Variants in RASA3 observed in about 807,000 individuals in gnomAD.
RASA3 encodes RAS p21 protein activator 3.
A neutral mutation model predicts 110.0 loss-of-function variants in RASA3; 73 were observed. That is an observed-to-expected ratio of 0.66 (90% CI 0.55 to 0.81). The LOEUF (loss-of-function observed/expected upper bound fraction) is 0.81, where lower values mean the gene tolerates loss of function less well. Ranked by LOEUF, RASA3 falls within the 30% of genes least tolerant of loss-of-function variation. The probability of loss-of-function intolerance (pLI) is 0.00; values close to 1 mark genes in which losing one functional copy is unlikely to be tolerated. For missense variants in RASA3, 976 were observed against 1,113.2 expected, an observed-to-expected ratio of 0.88 and a Z score of 1.75; for synonymous variants, 500 against 451.4, an observed-to-expected ratio of 1.11 and a Z score of -1.37.
chr13:114,132,300 T>C, intron 1 of RASA3, 135 bp downstream of exon 1: 1 of 955,972 alleles, frequency 1.0e-6, no homozygotes, highest in Non-Finnish European at 1.4e-6. Context: ...GACCAGCCGT[T>C]CTCCGGGGAG....
intron 9 of RASA3, among the ~76,000 whole-genome samples, chr13:114,020,066 C>G (rs1594335157): frequency 2.2e-5 from 1 of 46,436 alleles, no homozygotes; most frequent in African/African-American, 2.0e-4. Flanking sequence ...GGCATTAGCC[C>G]CCCTCAGGTG....
chr13:114,117,955 G>A (rs1449818359), intron 1 of RASA3, among the ~76,000 whole-genome samples: 1 of 151,968 alleles, frequency 6.6e-6, no homozygotes. Flanking sequence ...CACGTGTGAG[G>A]GGTGCATGCA....
rs575958394 is a variant in RASA3, at chr13:114,027,864, C to A, written c.513G>T (p.Thr171=). ...CAACTTGCCTGAAGGGTCCTGCCAG[C>A]GTCACGGTGGCGTAGGGGTCACATT... ...NGQCDPYATV[T]LAGPFRSEAK... Residue 171 remains threonine (T), a synonymous_variant, in exon 6 of 24, where the codon ACG becomes ACT. Coordinates refer to ENST00000334062, the MANE Select transcript of RASA3 (RefSeq NM_007368.4). The A allele has an allele frequency of 3.7e-6, 6 of 1,613,816 alleles. No homozygotes were observed. The African/African-American group carries it at 6.7e-5, about 18-fold the overall frequency.
At position 114,118,132 on chromosome 13, in the gene RASA3, G is replaced by T. The variant is rs138092444; in HGVS notation, c.55+14303C>A. On this transcript the variant is annotated intron_variant, in intron 1 of 23. Transcript: ENST00000334062. ...TTCTCATTATGAGTCTCATAAATACGTGGCCACGTTCATGGGTTTGTCTTA... is the reference window on the plus strand; with the variant it reads ...TTCTCATTATGAGTCTCATAAATACTTGGCCACGTTCATGGGTTTGTCTTA... Among the ~76,000 whole-genome samples, 232 of 152,160 alleles carry T rather than the reference G, an allele frequency of 1.5e-3. 2 individuals are homozygous for T. Among genetic ancestry groups the T allele is most frequent in the African/African-American group, 5.2e-3 (217 of 41,484 alleles).
Position 114,131,039 on chromosome 13 carries a change from T to C in RASA3, c.55+1396A>G, listed in dbSNP as rs186594206. Reference sequence around the variant, plus strand: ...AAAGTGACAGCGGATTTAAACCACATTAACAAAAGAAATCCCTCCTCTCTG... The same window carrying C: ...AAAGTGACAGCGGATTTAAACCACACTAACAAAAGAAATCCCTCCTCTCTG... On this transcript the variant is annotated intron_variant, in intron 1 of 23. Coordinates refer to ENST00000334062, the MANE Select transcript of RASA3 (RefSeq NM_007368.4). Among the ~76,000 whole-genome samples the C allele has an allele frequency of 7.2e-5, 11 of 152,332 alleles. No homozygotes were observed. In the East Asian group the frequency reaches 2.1e-3, roughly 29 times the overall value.
rs1428096503 is a variant in RASA3 at position 114,000,803 on chromosome 13, G to A, written c.1849+23C>T. ...GCCCAGCACGCTCCAGCAAGAGCCAGGGAAAGCGACCTTGCTCCTTACCTT... is the reference window on the plus strand; with the variant it reads ...GCCCAGCACGCTCCAGCAAGAGCCAAGGAAAGCGACCTTGCTCCTTACCTT... On this transcript the variant is annotated intron_variant, in intron 19 of 23. Transcript: ENST00000334062. The A allele has an allele frequency of 5.2e-6, 8 of 1,549,152 alleles. No homozygotes were observed. In the East Asian group the frequency reaches 9.0e-5, roughly 17 times the overall value.
At chr13:114,060,416 T>A (rs1216542271) in intron 2 of RASA3, among the ~76,000 whole-genome samples, 1 of 152,174 alleles carries the variant, frequency 6.6e-6, no homozygotes, top group Non-Finnish European at 1.5e-5. Flanking sequence ...CCTGGCACAG[T>A]GGACCAGGAA....
intron 20 of RASA3, among the ~76,000 whole-genome samples, chr13:113,996,978 G>A (rs2053271358): frequency 6.6e-6 from 1 of 152,258 alleles, no homozygotes; most frequent in Admixed American, 6.5e-5. Flanking sequence ...GGTGAGAACT[G>A]GTGCAGCTGG....
At chr13:114,076,650 G>A (rs1390194703) in intron 1 of RASA3, among the ~76,000 whole-genome samples, 2 of 152,186 alleles carry the variant, frequency 1.3e-5, no homozygotes, top group African/African-American at 4.8e-5. Flanking sequence ...CATGGCCGGC[G>A]AGCTTCTCCA....
At chr13:113,998,572 C>T (rs1226752133) in intron 20 of RASA3, among the ~76,000 whole-genome samples, 4 of 152,206 alleles carry the variant, frequency 2.6e-5, no homozygotes, top group Non-Finnish European at 5.9e-5. Flanking sequence ...GGCGGGGTCA[C>T]TGGCTGAAGG....
Position 113,992,526 on chromosome 13 carries a change from G to A in RASA3, c.2204C>T (p.Ser735Phe), listed in dbSNP as rs1049097132. 1 of 1,613,470 alleles carries A rather than the reference G, an allele frequency of 6.2e-7. No homozygotes were observed. The highest frequency in any genetic ancestry group is 8.5e-7 in the Non-Finnish European group (1 of 1,179,976). The change falls in exon 22 of 24, where the codon TCC becomes TTC. Residue 735 changes from serine to phenylalanine, a missense_variant. Transcript: ENST00000334062. ...CTTGCTCATGTACAAGTTGAAGAGG[G>A]AGTAGATACGCTCCGTCTCACGGTC... The part of the protein sequence containing the change: ...DGDRETERIY[S>F]LFNLYMSKLE...
chr13:114,018,289 G>A (rs1049739096), intron 10 of RASA3, 37 bp from the exon 11 acceptor site: 6 of 1,537,968 alleles, frequency 3.9e-6, no homozygotes, highest in African/African-American at 1.4e-5. Context: ...AGGGCCCGGG[G>A]TGCAGGAACC....
chr13:114,019,460 G>C (rs978470266), intron 9 of RASA3, among the ~76,000 whole-genome samples: 2 of 152,256 alleles, frequency 1.3e-5, no homozygotes, highest in Admixed American at 1.3e-4. Context: ...TTGTGGGCCA[G>C]GCAGTCTAAG....
intron 4 of RASA3, among the ~76,000 whole-genome samples, chr13:114,030,436 G>GGAGGCAAGACTCACGCAGAGAGCAAGA (rs1566501569): frequency 2.6e-4 from 30 of 114,100 alleles, no homozygotes; most frequent in African/African-American, 7.1e-4. Context: ...AGAGGGCAAG[G>GGAGGCAAGACTCACGCAGAGAGCAAGA]CTCACACAGA....
intron 1 of RASA3, among the ~76,000 whole-genome samples, chr13:114,111,026 G>A (rs971024972): frequency 1.1e-4 from 17 of 152,120 alleles, no homozygotes; most frequent in Non-Finnish European, 1.8e-4. Context: ...AACATGGAAC[G>A]GCACAAACGA....
Position 113,996,536 on chromosome 13 carries a change from G to A in RASA3, c.2136C>T (p.Cys712=). ...GCACCGAGGCACAGACCTACCCAGT[G>A]CAGGGCGAGCAGCCCGGAGCCGAGT... The part of the protein sequence containing the change: ...PSDSAPGCSP[C]TGGLPANIQL... Residue 712 remains cysteine, a synonymous_variant, in exon 21 of 24, where the codon TGC becomes TGT. Coordinates refer to ENST00000334062, the MANE Select transcript of RASA3 (RefSeq NM_007368.4). 1 of 1,612,052 alleles carries A rather than the reference G, an allele frequency of 6.2e-7. No homozygotes were observed. The highest frequency in any genetic ancestry group is 1.1e-5 in the South Asian group (1 of 91,012).
intron 1 of RASA3, among the ~76,000 whole-genome samples, chr13:114,099,302 G>C (rs974514305): frequency 6.6e-6 from 1 of 152,038 alleles, no homozygotes; most frequent in South Asian, 2.1e-4. Context: ...GCCTGAGCCG[G>C]GGACGAAGCT....
At chr13:114,004,542 G>A (rs2053472258) in intron 18 of RASA3, among the ~76,000 whole-genome samples, 1 of 152,106 alleles carries the variant, frequency 6.6e-6, no homozygotes, top group East Asian at 1.9e-4. Flanking sequence ...GCAGAACGAA[G>A]CCACCTGCGA....
At chr13:114,038,011 T>C (rs1438342461) in intron 4 of RASA3, among the ~76,000 whole-genome samples, 4 of 151,408 alleles carry the variant, frequency 2.6e-5, no homozygotes, top group Non-Finnish European at 5.9e-5. Context: ...AATTCGCCCC[T>C]CGCCACTCCT....
Sources: allele counts gnomAD v4.1 joint callset (sites outside exome capture counted in the v4.1 genomes callset), GRCh38; gene constraint gnomAD v4.1.1; transcripts MANE v1.5; gene names NCBI Gene and HGNC (gene_info 2026-07-23, HGNC 2026-07-21).